The following TMEM132E variants were observed in gnomAD, a reference collection of about 807,000 sequenced individuals.
The protein encoded by TMEM132E is transmembrane protein 132E.
In TMEM132E, 49 loss-of-function variants were observed where a neutral mutation model predicts 78.5. The ratio of observed to expected loss-of-function variants is 0.62; its 90% CI spans 0.50 to 0.79. TMEM132E has a LOEUF of 0.79. Ranked by LOEUF, TMEM132E falls within the 30% of genes least tolerant of loss-of-function variation. The pLI is 0.00. For synonymous variants in TMEM132E, 715 were observed against 670.6 expected (o/e 1.07, Z -1.02); for missense variants, 1,403 against 1,470.9 (o/e 0.95, Z 0.75).
chr17:34,614,135 A>T (rs1391664735), intron 1 of TMEM132E, among the ~76,000 whole-genome samples: 1 of 152,092 alleles, frequency 6.6e-6, no homozygotes, highest in East Asian at 1.9e-4. Flanking sequence ...CCTCTGTTTC[A>T]TGTGGCCTGG....
At chr17:34,619,541 G>A (rs1340957692) in intron 1 of TMEM132E, among the ~76,000 whole-genome samples, 1 of 151,426 alleles carries the variant, frequency 6.6e-6, no homozygotes, top group Non-Finnish European at 1.5e-5. Context: ...ACATCTACAT[G>A]GGCCAGGCAC....
chr17:34,638,272 G>C lies in TMEM132E; in HGVS notation c.*40G>C. 1 of 1,447,470 alleles carries C rather than the reference G, an allele frequency of 6.9e-7. No homozygotes were observed. The highest frequency in any genetic ancestry group is 9.3e-7 in the Non-Finnish European group (1 of 1,081,080). The allele number at this position is 1,447,470 out of a possible 1,614,324, so 89.7% of individuals were successfully genotyped here. A position where few individuals can be genotyped will look rare whatever the true frequency, so the allele number is the denominator to read the frequency against. ...GTAGCAGGGACCCCCCCCCCCAACG[G>C]GGTCAGCTCGGGGTAGGACACAGCC... On this transcript the variant is annotated 3_prime_UTR_variant, in exon 9 of 9. Transcript: ENST00000631683.
At chr17:34,617,087 C>T (rs1381445084) in intron 1 of TMEM132E, among the ~76,000 whole-genome samples, 1 of 152,234 alleles carries the variant, frequency 6.6e-6, no homozygotes, top group African/African-American at 2.4e-5. Context: ...CAAGTCATCA[C>T]CTCTCCTTCG....
chr17:34,603,529 G>A (rs1216706105), intron 1 of TMEM132E, among the ~76,000 whole-genome samples: 2 of 152,172 alleles, frequency 1.3e-5, no homozygotes, highest in African/African-American at 4.8e-5. Flanking sequence ...CAGGAAGAGG[G>A]GCTGTGTGCC....
chr17:34,634,776 A>T, intron 6 of TMEM132E, 23 bp from the exon 7 acceptor site: 1 of 1,598,142 alleles, frequency 6.3e-7, no homozygotes, highest in Non-Finnish European at 8.5e-7. Flanking sequence ...AGAAGCCTTC[A>T]GCATGGCATG....
chr17:34,611,358 A>C (rs112643679), intron 1 of TMEM132E, among the ~76,000 whole-genome samples: 2,459 of 152,248 alleles, frequency 0.016, 81 homozygotes, highest in African/African-American at 0.056. Context: ...AATGAGACAG[A>C]ATGGCAGATG....
At chr17:34,608,716 C>T (rs554138362) in intron 1 of TMEM132E, among the ~76,000 whole-genome samples, 169 of 152,276 alleles carry the variant, frequency 1.1e-3, no homozygotes, top group Admixed American at 3.1e-3. Context: ...AAGACGCAGC[C>T]GTGGACCATT....
rs189295774 is a variant in TMEM132E at position 34,603,113 on chromosome 17, G to A, written c.67+21970G>A. Among the ~76,000 whole-genome samples, 156 of 152,276 alleles carry A rather than the reference G, an allele frequency of 1.0e-3. 1 individual carries two copies. Among genetic ancestry groups the A allele is most frequent in the African/African-American group, 3.5e-3 (145 of 41,554 alleles). ...AAGTCACCTGCATTAAGTCCTTTTC[G>A]TGGCTGCATCTAGGCTGACAGAAAG... On this transcript the variant is annotated intron_variant, in intron 1 of 8. Coordinates refer to ENST00000631683, the MANE Select transcript of TMEM132E (RefSeq NM_001304438.2).
Position 34,581,059 on chromosome 17 carries a change from C to A in TMEM132E, c.-18C>A. On this transcript the variant is annotated 5_prime_UTR_variant, in exon 1 of 9. Transcript: ENST00000631683. ...TCGACTGTTGCTCTCTCGGACCCCT[C>A]CCGCCCCCGCCTCGGCCATGGCCCC... 6.5e-7 allele frequency: 1 copy of A among 1,539,722 alleles called. No homozygotes were observed. The highest frequency in any genetic ancestry group is 1.2e-5 in the South Asian group (1 of 82,388).
chr17:34,587,687 T>C (rs1193989720), intron 1 of TMEM132E, among the ~76,000 whole-genome samples: 1 of 152,140 alleles, frequency 6.6e-6, no homozygotes, highest in Non-Finnish European at 1.5e-5. Flanking sequence ...CTTGTCATGG[T>C]GGAAGAATGG....
chr17:34,619,877 T>C (rs1906902474), intron 1 of TMEM132E, among the ~76,000 whole-genome samples: 1 of 152,256 alleles, frequency 6.6e-6, no homozygotes, highest in Admixed American at 6.5e-5. Context: ...TGGATGCATG[T>C]GCATGTGCAC....
intron 1 of TMEM132E, among the ~76,000 whole-genome samples, chr17:34,600,091 A>G (rs1906187333): frequency 6.6e-6 from 1 of 152,120 alleles, no homozygotes; most frequent in Admixed American, 6.5e-5. Flanking sequence ...TTGAAAGGGA[A>G]CCTTTATTCA....
chr17:34,638,264 C>CCA lies in TMEM132E; in HGVS notation c.*33_*34insAC, dbSNP rs570115587. ...CAGCCGGAGTAGCAGGGACCCCCCC[C>CCA]CCCAACGGGGTCAGCTCGGGGTAGG... On this transcript the variant is annotated 3_prime_UTR_variant, in exon 9 of 9. Transcript: ENST00000631683. 483 of 1,473,368 alleles carry CCA rather than the reference C, an allele frequency of 3.3e-4. 3 individuals carry two copies. In the South Asian group the frequency reaches 6.3e-3, roughly 19 times the overall value. 91.3% of individuals were successfully genotyped at this position (1,473,368 alleles called of 1,614,324 possible). A position where few individuals can be genotyped will look rare whatever the true frequency, so the allele number is the denominator to read the frequency against.
chr17:34,621,183 C>G (rs1567718066), intron 1 of TMEM132E, among the ~76,000 whole-genome samples: 1 of 152,126 alleles, frequency 6.6e-6, no homozygotes, highest in Non-Finnish European at 1.5e-5. Flanking sequence ...TATCAGTTTG[C>G]TAGGGCTGCC....
chr17:34,618,395 A>AT (rs57529797), intron 1 of TMEM132E, among the ~76,000 whole-genome samples: 4,837 of 133,660 alleles, frequency 0.036, 125 homozygotes, highest in African/African-American at 0.067. Flanking sequence ...ACGTCTGGTG[A>AT]TTTTTTTTTT....
intron 1 of TMEM132E, among the ~76,000 whole-genome samples, chr17:34,622,805 G>A (rs1488363555): frequency 1.3e-5 from 2 of 152,168 alleles, no homozygotes; most frequent in African/African-American, 2.4e-5. Context: ...GTGCCCCTGT[G>A]GAACTTAATT....
At chr17:34,590,263 C>G (rs1007953748) in intron 1 of TMEM132E, among the ~76,000 whole-genome samples, 1 of 152,258 alleles carries the variant, frequency 6.6e-6, no homozygotes, top group Non-Finnish European at 1.5e-5. Flanking sequence ...TCCTCCCCCC[C>G]GGAGCTGGCT....
chr17:34,606,408 G>A (rs1381153218), intron 1 of TMEM132E, among the ~76,000 whole-genome samples: 2 of 152,204 alleles, frequency 1.3e-5, no homozygotes, highest in African/African-American at 4.8e-5. Flanking sequence ...TACACAGGAA[G>A]AGAGTAGTCC....
intron 1 of TMEM132E, among the ~76,000 whole-genome samples, chr17:34,622,772 G>C (rs1314007584): frequency 1.3e-5 from 2 of 152,218 alleles, no homozygotes; most frequent in African/African-American, 4.8e-5. Flanking sequence ...CACTAAAATA[G>C]AGCAGGGAGT....
Sources: gnomAD v4.1 joint callset for allele counts (sites outside exome capture counted in the v4.1 genomes callset) on GRCh38, gnomAD v4.1.1 for gene constraint, MANE v1.5 for transcripts, NCBI Gene and HGNC (gene_info 2026-07-23, HGNC 2026-07-21) for gene names.